CA12: variants seen among roughly 807,000 people sequenced by gnomAD.
The protein encoded by CA12 is carbonic anhydrase 12, also known as carbonate dehydratase XII.
In CA12, 36 loss-of-function variants were observed where a neutral mutation model predicts 46.8. That is an observed-to-expected ratio of 0.77 (90% confidence interval 0.59 to 1.02). CA12 has a LOEUF of 1.02. Among genes scored for constraint, CA12 ranks in the 50% least tolerant of loss-of-function variants. The pLI is 0.00. For synonymous variants in CA12, 202 were observed against 187.0 expected, an observed-to-expected ratio of 1.08 and a Z score of -0.65; for missense variants, 436 against 451.4, an observed-to-expected ratio of 0.97 and a Z score of 0.31.
rs533383885 is a variant in CA12 at position 63,369,546 on chromosome 15, G to A, written c.106+6112C>T. On this transcript the variant is annotated intron_variant, in intron 2 of 10. Coordinates refer to ENST00000178638, the MANE Select transcript of CA12 (RefSeq NM_001218.5). ...TTGTTAAAACAAATTTCTGGGCCCC[G>A]CCCCCCAGAGTTTCTGGTTAGGAGG... Among the ~76,000 whole-genome samples the A allele has an allele frequency of 8.5e-5, 13 of 152,246 alleles. No homozygotes were observed. In the South Asian group the frequency reaches 1.9e-3, roughly 22 times the overall value.
intron 4 of CA12, among the ~76,000 whole-genome samples, chr15:63,344,383 A>C (rs1224327059): frequency 6.6e-6 from 1 of 152,234 alleles, no homozygotes; most frequent in Non-Finnish European, 1.5e-5. Context: ...TGTGTCCTTA[A>C]CCTTGGCAAA....
chr15:63,364,636 T>C (rs1194630819), intron 2 of CA12, among the ~76,000 whole-genome samples: 1 of 152,186 alleles, frequency 6.6e-6, no homozygotes, highest in African/African-American at 2.4e-5. Flanking sequence ...GCCGTTCTCA[T>C]ATGATATCTG....
chr15:63,381,540 C>T (rs1274323873), intron 1 of CA12, 96 bp downstream of exon 1: 2 of 1,015,130 alleles, frequency 2.0e-6, no homozygotes, highest in Non-Finnish European at 3.0e-6. Flanking sequence ...TCCCTGCTCC[C>T]CGCAGCAATG....
intron 4 of CA12, among the ~76,000 whole-genome samples, chr15:63,343,520 A>T (rs1329122629): frequency 2.0e-5 from 3 of 151,944 alleles, no homozygotes; most frequent in African/African-American, 7.3e-5. Context: ...ACCTCCGGTG[A>T]TCCACCCGTC....
At chr15:63,371,452 A>G (rs1035779383) in intron 2 of CA12, among the ~76,000 whole-genome samples, 2 of 152,096 alleles carry the variant, frequency 1.3e-5, no homozygotes, top group Admixed American at 6.5e-5. Flanking sequence ...GCTGACCTGT[A>G]AGCATGTGCG....
At chr15:63,337,176 G>T (rs1228651144) in intron 8 of CA12, among the ~76,000 whole-genome samples, 1 of 152,204 alleles carries the variant, frequency 6.6e-6, no homozygotes, top group African/African-American at 2.4e-5. Flanking sequence ...AGAGGGAAAT[G>T]ATCTTAATTA....
At chr15:63,357,270 TC>T (rs1469036110) in intron 2 of CA12, among the ~76,000 whole-genome samples, 1 of 152,208 alleles carries the variant, frequency 6.6e-6, no homozygotes, top group East Asian at 1.9e-4. Flanking sequence ...GGCCACACCC[TC>T]AGAGTTTCTG....
rs756953191 is a variant in CA12 at position 63,340,436 on chromosome 15, G to A, written c.599C>T (p.Ala200Val). 1 of 1,614,182 alleles carries A rather than the reference G, an allele frequency of 6.2e-7. No individual in the cohort carries two copies. The highest frequency in any genetic ancestry group is 1.7e-5 in the Admixed American group (1 of 60,018). Reference protein sequence around the residue: ...LQHVKYKGQEAFVPGFNIEEL... With the variant: ...LQHVKYKGQEVFVPGFNIEEL... ...TTCAATGTTGAATCCCGGGACGAATGCTTCCTGGCCTAGAGAGACATGTTG... is the reference window on the plus strand; with the variant it reads ...TTCAATGTTGAATCCCGGGACGAATACTTCCTGGCCTAGAGAGACATGTTG... The change falls in exon 7 of 11, where the codon GCA (alanine) becomes GTA (valine). Residue 200 changes from alanine (A) to valine (V), a missense_variant. Coordinates refer to ENST00000178638, the MANE Select transcript of CA12 (RefSeq NM_001218.5). This position sits in a 1 kb window ranked among gnomAD's most constrained non-coding sequence, Gnocchi z 4.4.
intron 2 of CA12, among the ~76,000 whole-genome samples, chr15:63,350,682 GATTTCTGAT>G (rs1239939419): frequency 6.6e-6 from 1 of 152,202 alleles, no homozygotes; most frequent in Non-Finnish European, 1.5e-5. Context: ...TGCCTCTCGT[GATTTCTGAT>G]TGGGAATTTT....
chr15:63,378,063 G>A lies in CA12; in HGVS notation c.86-2385C>T, dbSNP rs560669407. Among the ~76,000 whole-genome samples, 15 of 152,286 alleles carry A rather than the reference G, an allele frequency of 9.8e-5. No homozygotes were observed. The South Asian group carries it at 1.2e-3, about 13-fold the overall frequency. On this transcript the variant is annotated intron_variant, in intron 1 of 10. Transcript: ENST00000178638. The surrounding 1 kb of genome is among the most constrained non-coding windows in gnomAD (Gnocchi z 4.8). ...GGAGTCCAGACCCCCTGGAGTATCC[G>A]ATGAGTATTATGGACCTCTCCCAGT...
intron 1 of CA12, among the ~76,000 whole-genome samples, chr15:63,377,621 A>G (rs79269641): frequency 0.017 from 2,622 of 152,284 alleles, 71 homozygotes; most frequent in African/African-American, 0.06. Flanking sequence ...CACGTGGTTT[A>G]GAAAGTCAGA....
chr15:63,360,639 C>T (rs2152622993), intron 2 of CA12, among the ~76,000 whole-genome samples: 1 of 152,280 alleles, frequency 6.6e-6, no homozygotes, highest in Admixed American at 6.5e-5. Context: ...ATCCTCATCC[C>T]TAAAACACTC....
Position 63,322,054 on chromosome 15 carries a change from G to C in CA12, c.*4231C>G, listed in dbSNP as rs2038797648. The C allele has an allele frequency of 6.6e-6, 1 of 152,216 alleles. No individual in the cohort carries two copies. The highest frequency in any genetic ancestry group is 1.5e-5 in the Non-Finnish European group (1 of 68,044). 9.4% of individuals were successfully genotyped at this position (152,216 alleles called of 1,614,324 possible). A position where few individuals can be genotyped will look rare whatever the true frequency, so the allele number is the denominator to read the frequency against. ...GGTCTGCGCAGGGCATGGATCTTGAGCGCTTGGAATGTGACTTAACTGAGA... is the reference window on the plus strand; with the variant it reads ...GGTCTGCGCAGGGCATGGATCTTGACCGCTTGGAATGTGACTTAACTGAGA... On this transcript the variant is annotated 3_prime_UTR_variant, in exon 11 of 11. Transcript: ENST00000178638. This position sits in a 1 kb window ranked among gnomAD's most constrained non-coding sequence, Gnocchi z 4.1.
Position 63,372,095 on chromosome 15 carries a change from G to C in CA12, c.106+3563C>G, listed in dbSNP as rs112135221. 4.1e-4 allele frequency among the ~76,000 whole-genome samples: 63 copies of C among 152,188 alleles called. No homozygotes were observed. Among genetic ancestry groups the C allele is most frequent in the African/African-American group, 1.4e-3 (60 of 41,502 alleles). On this transcript the variant is annotated intron_variant, in intron 2 of 10. Transcript: ENST00000178638. This position sits in a 1 kb window ranked among gnomAD's most constrained non-coding sequence, Gnocchi z 4.5. ...CCCACAACCCTTCCTGCCTCCTTCC[G>C]GTCATCTTCATCCCCCACAGGGCAC...
Position 63,375,687 on chromosome 15 carries a change from A to T in CA12, c.86-9T>A. ...ATAAGTCCACTTGGAACCTACAAAG[A>T]ACAAAACACAGTAAGTAAGTACAAT... is the stretch of plus-strand genomic sequence containing the variant. On this transcript the variant is annotated splice_polypyrimidine_tract_variant and intron_variant, in intron 1 of 10. Transcript: ENST00000178638. 6.3e-7 allele frequency: 1 copy of T among 1,579,368 alleles called. No individual in the cohort carries two copies. Among genetic ancestry groups the T allele is most frequent in the East Asian group, 2.2e-5 (1 of 44,744 alleles).
Position 63,327,299 on chromosome 15 carries a change from C to A in CA12, c.908-66G>T. 7.7e-7 allele frequency: 1 copy of A among 1,293,846 alleles called. No homozygotes were observed. Among genetic ancestry groups the A allele is most frequent in the South Asian group, 1.2e-5 (1 of 80,450 alleles). The allele number at this position is 1,293,846 out of a possible 1,614,324, so 80.1% of individuals were successfully genotyped here. On this transcript the variant is annotated intron_variant, in intron 9 of 10. Coordinates refer to ENST00000178638, the MANE Select transcript of CA12 (RefSeq NM_001218.5). This position sits in a 1 kb window ranked among gnomAD's most constrained non-coding sequence, Gnocchi z 4.5. Reference sequence around the variant, plus strand: ...CCCCTCCATCTTAGCCCATGGCCCCCGGGTGTGAAATCATGGCCCAGCTGC... The same window carrying A: ...CCCCTCCATCTTAGCCCATGGCCCCAGGGTGTGAAATCATGGCCCAGCTGC...
intron 2 of CA12, among the ~76,000 whole-genome samples, chr15:63,356,153 G>A (rs2039292911): frequency 6.6e-6 from 1 of 152,168 alleles, no homozygotes; most frequent in Non-Finnish European, 1.5e-5. Context: ...AGCACTTTGG[G>A]AGGCCAAGGA....
intron 1 of CA12, among the ~76,000 whole-genome samples, chr15:63,379,810 T>G: frequency 6.6e-6 from 1 of 152,198 alleles, no homozygotes; most frequent in Non-Finnish European, 1.5e-5. Context: ...CACACCAGGT[T>G]TGGGCAGGGC....
Position 63,326,144 on chromosome 15 carries a change from A to G in CA12, c.*141T>C. On this transcript the variant is annotated 3_prime_UTR_variant, in exon 11 of 11. Transcript: ENST00000178638. Reference sequence around the variant, plus strand: ...ATGGTCCCAAGGCAAGGAGGCACCCAGCAGAGGATCCCTGAGGCCTGGCAT... The same window carrying G: ...ATGGTCCCAAGGCAAGGAGGCACCCGGCAGAGGATCCCTGAGGCCTGGCAT... 1.4e-6 allele frequency: 1 copy of G among 720,832 alleles called. No homozygotes were observed. Among genetic ancestry groups the G allele is most frequent in the Non-Finnish European group, 2.5e-6 (1 of 400,784 alleles). 44.7% of individuals were successfully genotyped at this position (720,832 alleles called of 1,614,324 possible).
Sources: allele counts gnomAD v4.1 joint callset (sites outside exome capture counted in the v4.1 genomes callset), GRCh38; gene constraint gnomAD v4.1.1; non-coding constraint Gnocchi (gnomAD v3.1); transcripts MANE v1.5; gene names NCBI Gene and HGNC (gene_info 2026-07-23, HGNC 2026-07-21).